The following AOPEP variants were observed in gnomAD, a reference collection of about 807,000 sequenced individuals.
AOPEP encodes the protein aminopeptidase O (putative).
A neutral mutation model predicts 98.1 loss-of-function variants in AOPEP; 77 were observed. The observed-to-expected ratio is 0.78, with a 90% CI of 0.65 to 0.95. AOPEP has a LOEUF of 0.95. AOPEP is among the 40% of genes least tolerant of loss of function. AOPEP has a pLI of 0.00. For synonymous variants in AOPEP, 346 were observed against 365.3 expected, an observed-to-expected ratio of 0.95 and a Z score of 0.60; for missense variants, 1,024 against 1,024.7, an observed-to-expected ratio of 1.00 and a Z score of 0.01.
intron 11 of AOPEP, among the ~76,000 whole-genome samples, chr9:94,982,380 C>G (rs2060237772): frequency 6.6e-6 from 1 of 152,164 alleles, no homozygotes; most frequent in Admixed American, 6.5e-5. Context: ...GTCATACCTC[C>G]AGAGATCACC....
At chr9:95,128,795 ACT>A in the AOPEP span, among the ~76,000 whole-genome samples, 1 of 152,188 alleles carries the variant, frequency 6.6e-6, no homozygotes, top group African/African-American at 2.4e-5. Flanking sequence ...ACCCTTGGCT[ACT>A]CTCAGCCTGC....
chr9:95,136,316 T>C, the AOPEP span, among the ~76,000 whole-genome samples: 2 of 151,962 alleles, frequency 1.3e-5, no homozygotes, highest in South Asian at 4.1e-4. Flanking sequence ...GGAGGATCGC[T>C]AGAGCCCAGG....
chr9:94,735,637 A>G (rs981934072), intron 1 of AOPEP, among the ~76,000 whole-genome samples: 28 of 152,226 alleles, frequency 1.8e-4, no homozygotes, highest in African/African-American at 5.8e-4. Flanking sequence ...TAAATTTCCA[A>G]GGAGAGTGAT....
intron 13 of AOPEP, among the ~76,000 whole-genome samples, chr9:95,032,119 C>T (rs2064359831): frequency 6.6e-6 from 1 of 152,230 alleles, no homozygotes; most frequent in Non-Finnish European, 1.5e-5. Flanking sequence ...TGAAACCCTC[C>T]AGCAGGACTC....
chr9:94,993,506 C>T (rs1297309304), intron 11 of AOPEP, among the ~76,000 whole-genome samples: 2 of 152,156 alleles, frequency 1.3e-5, no homozygotes, highest in Non-Finnish European at 2.9e-5. Context: ...TATAGCAAAA[C>T]GTTGCAGTAT....
intron 13 of AOPEP, among the ~76,000 whole-genome samples, chr9:95,041,444 G>GTGTGTGTGTGTGTGT (rs1564560850): frequency 6.9e-6 from 1 of 144,322 alleles, no homozygotes; most frequent in East Asian, 2.0e-4. Flanking sequence ...AGAGTCCTTG[G>GTGTGTGTGTGTGTGT]GGGTGTGTGT....
the AOPEP span, chr9:95,107,495 C>G: frequency 1.6e-6 from 1 of 606,214 alleles, no homozygotes; most frequent in African/African-American, 1.8e-5. Context: ...GCAGTCAGGG[C>G]ACCATGCCAG....
At chr9:94,823,893 T>G (rs76775488) in intron 5 of AOPEP, among the ~76,000 whole-genome samples, 5,787 of 152,232 alleles carry the variant, frequency 0.038, 350 homozygotes, top group African/African-American at 0.13. Context: ...GAAAACACCA[T>G]CTATGAAAGA....
At chr9:94,851,908 G>A (rs772434765) in intron 5 of AOPEP, among the ~76,000 whole-genome samples, 1 of 151,660 alleles carries the variant, frequency 6.6e-6, no homozygotes, top group East Asian at 1.9e-4. Flanking sequence ...ATAGGCCTCC[G>A]TGATTCCAGT....
intron 13 of AOPEP, among the ~76,000 whole-genome samples, chr9:95,011,482 A>G (rs1193830944): frequency 6.6e-6 from 1 of 152,036 alleles, no homozygotes; most frequent in African/African-American, 2.4e-5. Flanking sequence ...GATTACAGAC[A>G]TGAGCCACCG....
At chr9:94,948,764 T>A (rs1480490348) in intron 7 of AOPEP, among the ~76,000 whole-genome samples, 1 of 152,236 alleles carries the variant, frequency 6.6e-6, no homozygotes, top group African/African-American at 2.4e-5. Context: ...ATCATTCTCC[T>A]TGGCAGGAAA....
At chr9:95,145,825 G>A in the AOPEP span, among the ~76,000 whole-genome samples, 1 of 152,084 alleles carries the variant, frequency 6.6e-6, no homozygotes, top group African/African-American at 2.4e-5. Flanking sequence ...CAAGAGGGCG[G>A]ACATGCTTTA....
chr9:95,010,900 C>A (rs954232734), intron 13 of AOPEP, among the ~76,000 whole-genome samples: 1 of 152,146 alleles, frequency 6.6e-6, no homozygotes, highest in Non-Finnish European at 1.5e-5. Flanking sequence ...ATACGCAATT[C>A]GTTACTTTAT....
chr9:95,086,993 CT>C lies in AOPEP; in HGVS notation c.*317del. On this transcript the variant is annotated 3_prime_UTR_variant, in exon 17 of 17. Coordinates refer to ENST00000375315, the MANE Select transcript of AOPEP (RefSeq NM_001193329.3). ...TATCCAAGAGACATTGGAAAACCTG[CT>C]GAACATTTTACATTGGTCTGCTCAG... is the stretch of plus-strand genomic sequence containing the variant. 1 of 972,390 alleles carries C rather than the reference CT, an allele frequency of 1.0e-6. No homozygotes were observed. The highest frequency in any genetic ancestry group is 1.8e-5 in the African/African-American group (1 of 57,130). 60.2% of individuals were successfully genotyped at this position (972,390 alleles called of 1,614,324 possible). A position where few individuals can be genotyped will look rare whatever the true frequency, so the allele number is the denominator to read the frequency against.
chr9:94,789,000 A>T (rs1484638113), intron 3 of AOPEP, among the ~76,000 whole-genome samples: 1 of 152,168 alleles, frequency 6.6e-6, no homozygotes. Flanking sequence ...GGGCCTGCTT[A>T]GTTTAGCATT....
intron 3 of AOPEP, among the ~76,000 whole-genome samples, chr9:94,786,723 T>C (rs189985535): frequency 3.3e-5 from 5 of 152,340 alleles, no homozygotes; most frequent in East Asian, 1.9e-4. Flanking sequence ...TCCAGAGCAC[T>C]AGCAGCGCTC....
At chr9:94,914,577 A>G (rs1450160945) in intron 5 of AOPEP, among the ~76,000 whole-genome samples, 2 of 141,902 alleles carry the variant, frequency 1.4e-5, no homozygotes, top group African/African-American at 2.7e-5. Context: ...CAGGATAAAT[A>G]TGTGCCCACT....
chr9:95,000,794 A>G (rs1173995958), intron 11 of AOPEP, among the ~76,000 whole-genome samples: 1 of 152,202 alleles, frequency 6.6e-6, no homozygotes, highest in Non-Finnish European at 1.5e-5. Context: ...TTGAAACTTA[A>G]TCCAACCTTG....
At chr9:94,860,415 C>T (rs1284404409) in intron 5 of AOPEP, among the ~76,000 whole-genome samples, 1 of 151,428 alleles carries the variant, frequency 6.6e-6, no homozygotes, top group Non-Finnish European at 1.5e-5. Flanking sequence ...ACGGGGTGGG[C>T]AGGTCGTGAC....
Sources: allele counts gnomAD v4.1 joint callset (sites outside exome capture counted in the v4.1 genomes callset), GRCh38; gene constraint gnomAD v4.1.1; transcripts MANE v1.5; gene names NCBI Gene and HGNC (gene_info 2026-07-23, HGNC 2026-07-21).